The following GHR variants were observed in gnomAD, a reference collection of about 807,000 sequenced individuals.
The protein encoded by GHR is GH receptor.
In GHR, 35 loss-of-function variants were observed where a neutral mutation model predicts 67.1. That is an observed-to-expected ratio of 0.52 (90% CI 0.40 to 0.69). The LOEUF (loss-of-function observed/expected upper bound fraction) is 0.69, where lower values mean the gene tolerates loss of function less well. Among genes scored for constraint, GHR ranks in the 30% least tolerant of loss-of-function variants. The probability of loss-of-function intolerance (pLI) is 0.00; values close to 1 mark genes in which losing one functional copy is unlikely to be tolerated. For synonymous variants in GHR, 272 were observed against 269.1 expected, an observed-to-expected ratio of 1.01 and a Z score of -0.10; for missense variants, 792 against 764.6, an observed-to-expected ratio of 1.04 and a Z score of -0.42.
chr5:42,623,492 A>G (rs1188161817), intron 2 of GHR, among the ~76,000 whole-genome samples: 3 of 152,120 alleles, frequency 2.0e-5, no homozygotes, highest in African/African-American at 7.2e-5. Flanking sequence ...AGCTCTTTAC[A>G]TGCCCAGGCT....
intron 1 of GHR, among the ~76,000 whole-genome samples, chr5:42,528,338 TAGA>T (rs1298964672): frequency 2.0e-5 from 3 of 152,160 alleles, no homozygotes; most frequent in African/African-American, 2.4e-5. Context: ...AACAGCAGTT[TAGA>T]AGAAGTTGAT....
At chr5:42,580,285 C>T (rs535098750) in intron 2 of GHR, among the ~76,000 whole-genome samples, 1 of 152,214 alleles carries the variant, frequency 6.6e-6, no homozygotes, top group South Asian at 2.1e-4. Context: ...GCTTGCAATG[C>T]CTCAATGAAC....
chr5:42,719,133 G>A lies in GHR; in HGVS notation c.1626G>A (p.Lys542=). 1.2e-6 allele frequency: 2 copies of A among 1,614,090 alleles called. No individual in the cohort carries two copies. The highest frequency in any genetic ancestry group is 1.3e-5 in the African/African-American group (1 of 75,038). Residue 542 remains lysine, a synonymous_variant, in exon 10 of 10, where the codon AAG becomes AAA. Transcript: ENST00000230882. ...ACTTCTGTGAGGCAGATGCCAAAAA[G>A]TGCATCCCTGTGGCTCCTCACATCA... ...NAYFCEADAK[K]CIPVAPHIKV... is the part of the protein sequence containing the mutation.
intron 5 of GHR, among the ~76,000 whole-genome samples, chr5:42,696,662 A>T (rs1012517957): frequency 2.6e-5 from 4 of 152,316 alleles, no homozygotes; most frequent in Admixed American, 2.6e-4. Context: ...AATCATCAGT[A>T]GTTGTTTGTG....
chr5:42,693,188 A>G (rs188689213), intron 4 of GHR, among the ~76,000 whole-genome samples: 2,643 of 151,476 alleles, frequency 0.017, 137 homozygotes, highest in South Asian at 0.16. Flanking sequence ...CCCAGGCTGG[A>G]GTGCAGTGGC....
At chr5:42,559,960 C>A (rs1184409893) in intron 1 of GHR, among the ~76,000 whole-genome samples, 1 of 152,066 alleles carries the variant, frequency 6.6e-6, no homozygotes, top group Non-Finnish European at 1.5e-5. Flanking sequence ...AAAAGCTTCA[C>A]CAAGGAGATC....
At chr5:42,622,931 C>T (rs1753525876) in intron 2 of GHR, among the ~76,000 whole-genome samples, 2 of 152,184 alleles carry the variant, frequency 1.3e-5, no homozygotes, top group South Asian at 4.2e-4. Context: ...CCAGGAGGGC[C>T]TAAATGGTCT....
intron 1 of GHR, among the ~76,000 whole-genome samples, chr5:42,443,948 TATAGATATAG>T (rs1278158489): frequency 2.1e-5 from 3 of 145,012 alleles, no homozygotes; most frequent in Non-Finnish European, 4.5e-5. Flanking sequence ...GTGATATAGA[TATAGATATAG>T]ATAGATATAG....
chr5:42,702,342 T>C (rs1757971027), intron 6 of GHR, among the ~76,000 whole-genome samples: 1 of 152,140 alleles, frequency 6.6e-6, no homozygotes, highest in Non-Finnish European at 1.5e-5. Context: ...TATAATATCC[T>C]CCAGGTTCAT....
At chr5:42,490,121 G>A (rs955204801) in intron 1 of GHR, among the ~76,000 whole-genome samples, 12 of 152,202 alleles carry the variant, frequency 7.9e-5, no homozygotes, top group Non-Finnish European at 1.5e-4. Context: ...GTGTGGATAG[G>A]TTTGCATTAC....
intron 3 of GHR, among the ~76,000 whole-genome samples, chr5:42,658,752 A>G (rs368288498): frequency 1.3e-5 from 2 of 152,176 alleles, no homozygotes; most frequent in South Asian, 4.1e-4. Context: ...AGGAATGATG[A>G]TAAGCATTCT....
At chr5:42,675,816 C>T (rs866983448) in intron 3 of GHR, among the ~76,000 whole-genome samples, 1 of 152,184 alleles carries the variant, frequency 6.6e-6, no homozygotes, top group Non-Finnish European at 1.5e-5. Context: ...TGCCAAACCA[C>T]AGTACTATAA....
intron 1 of GHR, among the ~76,000 whole-genome samples, chr5:42,536,014 G>C (rs1341662074): frequency 1.3e-5 from 2 of 152,074 alleles, no homozygotes; most frequent in Admixed American, 1.3e-4. Context: ...CATTAATCTT[G>C]TATCTGGACA....
intron 1 of GHR, among the ~76,000 whole-genome samples, chr5:42,501,132 A>AG (rs143651668): frequency 1.2e-3 from 187 of 152,262 alleles, no homozygotes; most frequent in African/African-American, 4.1e-3. Context: ...AGACAATGCT[A>AG]GGAGGAGGGT....
chr5:42,711,890 A>T (rs925525212), intron 7 of GHR, among the ~76,000 whole-genome samples: 4 of 152,134 alleles, frequency 2.6e-5, no homozygotes, highest in Admixed American at 6.6e-5. Context: ...AGGAATGCCT[A>T]ATAAGTAGTG....
At chr5:42,576,117 A>AAAATGAAATATAGTAAAG (rs1750704936) in intron 2 of GHR, among the ~76,000 whole-genome samples, 1 of 121,176 alleles carries the variant, frequency 8.3e-6, no homozygotes, top group African/African-American at 3.3e-5. Flanking sequence ...ATAAAATAAA[A>AAAATGAAATATAGTAAAG]TAAAATAAAA....
intron 3 of GHR, among the ~76,000 whole-genome samples, chr5:42,663,020 A>G (rs1375000342): frequency 1.3e-5 from 2 of 152,166 alleles, no homozygotes; most frequent in Non-Finnish European, 2.9e-5. Flanking sequence ...TCCTCAACAC[A>G]TACACCCTCC....
At chr5:42,665,171 AT>A (rs1432062148) in intron 3 of GHR, among the ~76,000 whole-genome samples, 1 of 152,170 alleles carries the variant, frequency 6.6e-6, no homozygotes, top group African/African-American at 2.4e-5. Flanking sequence ...TAGTTCAACC[AT>A]TGTGGAAGTC....
intron 3 of GHR, among the ~76,000 whole-genome samples, chr5:42,688,666 A>C (rs951945833): frequency 6.6e-6 from 1 of 152,164 alleles, no homozygotes; most frequent in Non-Finnish European, 1.5e-5. Context: ...ATAAAAGGCA[A>C]AATGGTTTGT....
Sources: gnomAD v4.1 joint callset for allele counts (sites outside exome capture counted in the v4.1 genomes callset) on GRCh38, gnomAD v4.1.1 for gene constraint, MANE v1.5 for transcripts, NCBI Gene and HGNC (gene_info 2026-07-23, HGNC 2026-07-21) for gene names.